SLC5A4: variants seen among roughly 807,000 people sequenced by gnomAD.
The protein encoded by SLC5A4 is solute carrier family 5 member 4, also known as probable glucose sensor protein SLC5A4.
SLC5A4 carries 55 observed loss-of-function variants against 70.3 expected under a neutral mutation model. That is an observed-to-expected ratio of 0.78 (90% CI 0.63 to 0.98). SLC5A4 has a LOEUF of 0.98. Ranked by LOEUF, SLC5A4 falls within the 50% of genes least tolerant of loss-of-function variation. The pLI, the probability that SLC5A4 is intolerant of heterozygous loss-of-function variation, is 0.00. For missense variants in SLC5A4, 735 were observed against 839.2 expected (o/e 0.88, Z 1.53); for synonymous variants, 268 against 305.7 (o/e 0.88, Z 1.29).
intron 5 of SLC5A4, among the ~76,000 whole-genome samples, chr22:32,246,720 G>T (rs1926852760): frequency 6.6e-6 from 1 of 151,918 alleles, no homozygotes; most frequent in Admixed American, 6.6e-5. Context: ...TAGAGATGGG[G>T]TTTTACCATG....
chr22:32,238,249 G>A (rs569201981), intron 6 of SLC5A4, among the ~76,000 whole-genome samples: 1 of 152,066 alleles, frequency 6.6e-6, no homozygotes, highest in Admixed American at 6.5e-5. Flanking sequence ...AACCCCCTTG[G>A]AAGTCCTGTG....
intron 5 of SLC5A4, among the ~76,000 whole-genome samples, chr22:32,244,577 C>T (rs575386207): frequency 1.2e-4 from 18 of 152,302 alleles, no homozygotes; most frequent in South Asian, 4.1e-4. Context: ...AGGTCACTCA[C>T]GCTGTGGTGC....
chr22:32,224,122 G>A (rs191405338), intron 13 of SLC5A4, 145 bp downstream of exon 13: 133 of 631,100 alleles, frequency 2.1e-4, no homozygotes, highest in South Asian at 9.7e-4. Flanking sequence ...AGGTTTCACC[G>A]TGTTAACCAG....
At chr22:32,348,709 T>A in the SLC5A4 span, among the ~76,000 whole-genome samples, 1 of 152,218 alleles carries the variant, frequency 6.6e-6, no homozygotes, top group African/African-American at 2.4e-5. Flanking sequence ...CTTTATAACA[T>A]TTTTTCTTGT....
the SLC5A4 span, among the ~76,000 whole-genome samples, chr22:32,267,298 A>G: frequency 6.6e-6 from 1 of 152,218 alleles, no homozygotes; most frequent in African/African-American, 2.4e-5. Flanking sequence ...CAGGATGTGA[A>G]TAAGGTGGGA....
At chr22:32,282,478 C>A in the SLC5A4 span, among the ~76,000 whole-genome samples, 2 of 152,244 alleles carry the variant, frequency 1.3e-5, no homozygotes, top group African/African-American at 4.8e-5. Context: ...GTGAACTTGA[C>A]CTTGAACATG....
the SLC5A4 span, among the ~76,000 whole-genome samples, chr22:32,280,013 T>C: frequency 6.6e-6 from 1 of 152,242 alleles, no homozygotes; most frequent in Admixed American, 6.5e-5. Context: ...TTTTTGTTGT[T>C]GTTGTTTGTT....
chr22:32,261,584 C>T, the SLC5A4 span, among the ~76,000 whole-genome samples: 1 of 152,232 alleles, frequency 6.6e-6, no homozygotes, highest in African/African-American at 2.4e-5. Flanking sequence ...AACTTCCAGA[C>T]AGATAAGGTT....
At chr22:32,303,152 C>T in the SLC5A4 span, among the ~76,000 whole-genome samples, 1 of 152,132 alleles carries the variant, frequency 6.6e-6, no homozygotes, top group Admixed American at 6.5e-5. Flanking sequence ...AGGACACACC[C>T]ATGACACAGC....
At chr22:32,277,841 C>T in the SLC5A4 span, among the ~76,000 whole-genome samples, 3 of 152,228 alleles carry the variant, frequency 2.0e-5, no homozygotes, top group Admixed American at 1.3e-4. Flanking sequence ...AGCCACCGCG[C>T]CCAGCCCGAT....
At chr22:32,309,394 A>T in the SLC5A4 span, among the ~76,000 whole-genome samples, 19 of 152,250 alleles carry the variant, frequency 1.2e-4, no homozygotes, top group African/African-American at 3.9e-4. Flanking sequence ...TATTATTACA[A>T]ATTACATGGT....
At chr22:32,307,008 G>A in the SLC5A4 span, among the ~76,000 whole-genome samples, 1 of 152,184 alleles carries the variant, frequency 6.6e-6, no homozygotes, top group African/African-American at 2.4e-5. Flanking sequence ...GCTGACCAAT[G>A]TGGAATCCTG....
At chr22:32,251,147 A>G (rs889504596) in intron 3 of SLC5A4, among the ~76,000 whole-genome samples, 1 of 132,572 alleles carries the variant, frequency 7.5e-6, no homozygotes, top group African/African-American at 2.9e-5. Context: ...CAAACAAATA[A>G]GCAAAAAAAA....
rs1319906606 is a variant in SLC5A4, at chr22:32,237,274, G to T, written c.634C>A (p.Leu212Met). ...YTDTLQTIIMLIGSFILMGFA... is the reference protein window; with the variant it reads ...YTDTLQTIIMMIGSFILMGFA... The stretch of plus-strand genomic sequence containing the variant: ...CCCATGAGAATAAAAGAGCCAATCA[G>T]CATGATGATGGTCTGGAGGGTGTCT... The change falls in exon 7 of 15, where the codon CTG becomes ATG. Residue 212 changes from leucine to methionine, a missense_variant. Coordinates refer to ENST00000266086, the MANE Select transcript of SLC5A4 (RefSeq NM_014227.3). 2.5e-6 allele frequency: 4 copies of T among 1,610,078 alleles called. No homozygotes were observed. In the Admixed American group the frequency reaches 5.0e-5, roughly 20 times the overall value.
At chr22:32,330,949 C>G in the SLC5A4 span, among the ~76,000 whole-genome samples, 9 of 7,594 alleles carry the variant, frequency 1.2e-3, no homozygotes, top group African/African-American at 2.0e-3. Context: ...GTTGGAGGCT[C>G]TGGTGTGTGT....
intron 10 of SLC5A4, among the ~76,000 whole-genome samples, chr22:32,230,078 C>T (rs923957960): frequency 6.6e-5 from 10 of 152,166 alleles, no homozygotes; most frequent in Non-Finnish European, 1.3e-4. Flanking sequence ...TCCTCCAGTT[C>T]CCTCTGCCCA....
At chr22:32,305,694 G>A in the SLC5A4 span, among the ~76,000 whole-genome samples, 1 of 130,066 alleles carries the variant, frequency 7.7e-6, no homozygotes, top group African/African-American at 3.0e-5. Flanking sequence ...CCAGTGTGAG[G>A]GACGGTGGCT....
chr22:32,285,783 C>G, the SLC5A4 span, among the ~76,000 whole-genome samples: 2 of 151,652 alleles, frequency 1.3e-5, no homozygotes, highest in Non-Finnish European at 2.9e-5. Context: ...GTCGCCCAGG[C>G]TGGAGTGCAG....
the SLC5A4 span, among the ~76,000 whole-genome samples, chr22:32,309,779 A>G: frequency 2.6e-5 from 4 of 151,928 alleles, no homozygotes; most frequent in Non-Finnish European, 4.4e-5. Context: ...CATTTGACAG[A>G]TAAGAAGCAG....
Sources: allele counts gnomAD v4.1 joint callset (sites outside exome capture counted in the v4.1 genomes callset), GRCh38; gene constraint gnomAD v4.1.1; transcripts MANE v1.5; gene names NCBI Gene and HGNC (gene_info 2026-07-23, HGNC 2026-07-21).